MOSMO: variants seen among roughly 807,000 people sequenced by gnomAD.
The protein encoded by MOSMO is modulator of smoothened, also known as modulator of smoothened protein.
A neutral mutation model predicts 18.4 loss-of-function variants in MOSMO; 5 were observed. That is an observed-to-expected ratio of 0.27 (90% CI 0.14 to 0.57). The LOEUF is 0.57. Among genes scored for constraint, MOSMO ranks in the 20% least tolerant of loss-of-function variants. The pLI, the probability that MOSMO is intolerant of heterozygous loss-of-function variation, is 0.92. For missense variants in MOSMO, 138 were observed against 211.8 expected, an observed-to-expected ratio of 0.65 and a Z score of 2.16; for synonymous variants, 82 against 82.3, an observed-to-expected ratio of 1.00 and a Z score of 0.02.
chr16:22,071,338 A>G (rs1276190690), intron 1 of MOSMO, among the ~76,000 whole-genome samples: 1 of 152,192 alleles, frequency 6.6e-6, no homozygotes, highest in Non-Finnish European at 1.5e-5. Flanking sequence ...CCAACCCTGT[A>G]TGGGAAAACG....
At chr16:22,044,331 A>T (rs1900266674) in intron 1 of MOSMO, among the ~76,000 whole-genome samples, 1 of 152,232 alleles carries the variant, frequency 6.6e-6, no homozygotes, top group African/African-American at 2.4e-5. Flanking sequence ...ACCTGTCAAC[A>T]TTAATAATAA....
At chr16:22,075,264 C>T in intron 1 of MOSMO, 1 of 646,682 alleles carries the variant, frequency 1.5e-6, no homozygotes, top group Non-Finnish European at 2.9e-6. Context: ...CCTGTTATGA[C>T]TTTTCTGAGG....
intron 1 of MOSMO, among the ~76,000 whole-genome samples, chr16:22,017,579 A>C (rs1314437613): frequency 6.6e-6 from 1 of 152,188 alleles, no homozygotes; most frequent in Non-Finnish European, 1.5e-5. Flanking sequence ...TTTATCAACT[A>C]CAAACTGATG....
intron 1 of MOSMO, among the ~76,000 whole-genome samples, chr16:22,021,548 A>G (rs1899762428): frequency 1.3e-5 from 2 of 152,090 alleles, no homozygotes; most frequent in South Asian, 2.1e-4. Context: ...TGTAATCCCA[A>G]CACTCTGGGA....
chr16:22,060,431 A>G (rs1035508504), intron 1 of MOSMO, among the ~76,000 whole-genome samples: 1 of 152,220 alleles, frequency 6.6e-6, no homozygotes, highest in Non-Finnish European at 1.5e-5. Context: ...ATATCATTAA[A>G]CATTAGGGAA....
rs1186600613 is a variant in MOSMO, at chr16:22,080,934, A to T, written c.*54A>T. ...ATTTTTTATTTTATTTTATTTTTTTATTTTTGGAGGGTGGAGAGGACAAAG... is the reference window on the plus strand; with the variant it reads ...ATTTTTTATTTTATTTTATTTTTTTTTTTTTGGAGGGTGGAGAGGACAAAG... On this transcript the variant is annotated 3_prime_UTR_variant, in exon 3 of 3. Transcript: ENST00000542527. 1.1e-6 allele frequency: 1 copy of T among 936,998 alleles called. No homozygotes were observed. Among genetic ancestry groups the T allele is most frequent in the Non-Finnish European group, 1.4e-6 (1 of 705,052 alleles). The allele number at this position is 936,998 out of a possible 1,614,324, so 58.0% of individuals were successfully genotyped here. A position where few individuals can be genotyped will look rare whatever the true frequency, so the allele number is the denominator to read the frequency against.
chr16:22,088,613 C>T (rs1432854743), downstream of MOSMO, among the ~76,000 whole-genome samples: 7 of 152,166 alleles, frequency 4.6e-5, no homozygotes, highest in African/African-American at 1.2e-4. Context: ...GCATTCTCTA[C>T]GTTTAGAGAA....
chr16:22,084,888 T>G (rs1901142917), downstream of MOSMO, among the ~76,000 whole-genome samples: 1 of 152,160 alleles, frequency 6.6e-6, no homozygotes, highest in Non-Finnish European at 1.5e-5. Flanking sequence ...CAAGAGTCAC[T>G]CAGCAATAAA....
intron 2 of MOSMO, among the ~76,000 whole-genome samples, chr16:22,077,164 T>C (rs1356544634): frequency 6.6e-6 from 1 of 152,206 alleles, no homozygotes; most frequent in Non-Finnish European, 1.5e-5. Flanking sequence ...CTGGATTTAG[T>C]TGAAATTTGG....
chr16:22,080,639 T>G, intron 2 of MOSMO, 57 bp from the exon 3 acceptor site: 1 of 1,196,136 alleles, frequency 8.4e-7, no homozygotes, highest in South Asian at 1.9e-5. Flanking sequence ...AAATTTTCAT[T>G]GTTTTTTGAA....
At chr16:22,062,300 CTTAT>C (rs528373598) in intron 1 of MOSMO, among the ~76,000 whole-genome samples, 73 of 151,872 alleles carry the variant, frequency 4.8e-4, no homozygotes, top group Non-Finnish European at 9.3e-4. Flanking sequence ...CTATGTTTCT[CTTAT>C]TTCTTTTTTT....
At chr16:22,026,390 T>G (rs1303990852) in intron 1 of MOSMO, among the ~76,000 whole-genome samples, 2 of 152,080 alleles carry the variant, frequency 1.3e-5, no homozygotes, top group Non-Finnish European at 2.9e-5. Context: ...AGCTAATTTT[T>G]GTATTTTTAG....
At chr16:22,079,365 T>G (rs977548825) in intron 2 of MOSMO, among the ~76,000 whole-genome samples, 1 of 152,206 alleles carries the variant, frequency 6.6e-6, no homozygotes, top group African/African-American at 2.4e-5. Flanking sequence ...CCAGAGAAAG[T>G]TGAAGGACAA....
At chr16:22,019,896 T>C (rs1046446401) in intron 1 of MOSMO, among the ~76,000 whole-genome samples, 1 of 152,094 alleles carries the variant, frequency 6.6e-6, no homozygotes, top group African/African-American at 2.4e-5. Context: ...ATCCATAGAA[T>C]TCAGGCTTCT....
intron 1 of MOSMO, among the ~76,000 whole-genome samples, chr16:22,048,895 C>G (rs78207925): frequency 6.6e-6 from 1 of 151,982 alleles, no homozygotes; most frequent in Non-Finnish European, 1.5e-5. Context: ...AAATAAGTAT[C>G]TAGCTTTATG....
chr16:22,037,792 C>T (rs929391430), intron 1 of MOSMO, among the ~76,000 whole-genome samples: 4 of 152,140 alleles, frequency 2.6e-5, no homozygotes, highest in African/African-American at 4.8e-5. Context: ...TGGGAAGGGG[C>T]GGGAAGCTTC....
intron 1 of MOSMO, among the ~76,000 whole-genome samples, chr16:22,057,000 C>T (rs1365376570): frequency 1.3e-5 from 2 of 152,110 alleles, no homozygotes; most frequent in Non-Finnish European, 2.9e-5. Flanking sequence ...TATTTCCCTT[C>T]CTCTCAAATA....
At chr16:22,041,004 G>A (rs1277484275) in intron 1 of MOSMO, among the ~76,000 whole-genome samples, 1 of 152,110 alleles carries the variant, frequency 6.6e-6, no homozygotes, top group Non-Finnish European at 1.5e-5. Context: ...GGTAAGTAAA[G>A]ACATTTAGTT....
chr16:22,051,377 C>G (rs550348474), intron 1 of MOSMO, among the ~76,000 whole-genome samples: 1 of 151,672 alleles, frequency 6.6e-6, no homozygotes, highest in African/African-American at 2.4e-5. Context: ...CAGAGCAAGA[C>G]TCCATCTCCA....
Sources: gnomAD v4.1 joint callset for allele counts (sites outside exome capture counted in the v4.1 genomes callset) on GRCh38, gnomAD v4.1.1 for gene constraint, MANE v1.5 for transcripts, NCBI Gene and HGNC (gene_info 2026-07-23, HGNC 2026-07-21) for gene names.